Variants in TTC7A observed in about 807,000 individuals in gnomAD.
The protein encoded by TTC7A is tetratricopeptide repeat protein 7A.
A neutral mutation model predicts 103.7 loss-of-function variants in TTC7A; 110 were observed. The ratio of observed to expected loss-of-function variants is 1.06; its 90% CI spans 0.91 to 1.24. The LOEUF (loss-of-function observed/expected upper bound fraction) is 1.24, where lower values mean the gene tolerates loss of function less well. TTC7A is among the 50% of genes most tolerant of loss of function. The pLI is 0.00. For synonymous variants in TTC7A, 521 were observed against 467.9 expected, an observed-to-expected ratio of 1.11 and a Z score of -1.47; for missense variants, 1,340 against 1,116.3, an observed-to-expected ratio of 1.20 and a Z score of -2.86.
intron 2 of TTC7A, among the ~76,000 whole-genome samples, chr2:46,930,611 T>C (rs958659162): frequency 6.6e-6 from 1 of 151,796 alleles, no homozygotes; most frequent in African/African-American, 2.4e-5. Flanking sequence ...GCGATTCTCC[T>C]GCCTCAGCCT....
intron 16 of TTC7A, among the ~76,000 whole-genome samples, chr2:47,047,837 T>A (rs1682483554): frequency 6.6e-6 from 1 of 152,312 alleles, no homozygotes; most frequent in African/African-American, 2.4e-5. Context: ...TGCCCCAAAC[T>A]AGATTTTATA....
chr2:46,965,218 T>C (rs1376893825), intron 3 of TTC7A, among the ~76,000 whole-genome samples: 1 of 152,222 alleles, frequency 6.6e-6, no homozygotes, highest in Non-Finnish European at 1.5e-5. Flanking sequence ...CACCTGGAAT[T>C]GTGTGGCTGA....
At chr2:46,951,592 T>C (rs554023033) in intron 2 of TTC7A, 75 of 455,930 alleles carry the variant, frequency 1.6e-4, no homozygotes, top group Non-Finnish European at 3.1e-4. Flanking sequence ...TCTGTCTTTA[T>C]TTTCTTCAGG....
chr2:46,986,104 C>T (rs1419493821), intron 5 of TTC7A, among the ~76,000 whole-genome samples: 1 of 152,216 alleles, frequency 6.6e-6, no homozygotes, highest in Non-Finnish European at 1.5e-5. Flanking sequence ...GCTGTCTTAG[C>T]TTAAGGTGCT....
chr2:47,006,812 T>G (rs1228805808), intron 10 of TTC7A, 88 bp downstream of exon 10: 6 of 1,079,310 alleles, frequency 5.6e-6, no homozygotes, highest in Non-Finnish European at 8.6e-6. Flanking sequence ...GCCAGGGGAG[T>G]GGGTGGGTAT....
chr2:47,017,274 G>A (rs1387613442), intron 11 of TTC7A, among the ~76,000 whole-genome samples: 1 of 151,374 alleles, frequency 6.6e-6, no homozygotes, highest in African/African-American at 2.4e-5. Context: ...CAACATTTTG[G>A]GAGGCTAAGT....
chr2:47,056,385 G>C (rs1007229148), intron 18 of TTC7A, among the ~76,000 whole-genome samples: 8 of 152,208 alleles, frequency 5.3e-5, no homozygotes, highest in African/African-American at 1.7e-4. Context: ...TCTGAAGTCT[G>C]GGGGAGGGTC....
At chr2:46,945,466 T>C (rs755807501) in intron 1 of TTC7A, among the ~76,000 whole-genome samples, 4 of 152,250 alleles carry the variant, frequency 2.6e-5, no homozygotes, top group African/African-American at 4.8e-5. Context: ...GCCAGGATGG[T>C]CTCTATCTGT....
chr2:47,020,418 G>C (rs1679164107), intron 11 of TTC7A, among the ~76,000 whole-genome samples: 2 of 152,226 alleles, frequency 1.3e-5, no homozygotes, highest in African/African-American at 4.8e-5. Flanking sequence ...GTAGACAGCT[G>C]TGGGGTTTCC....
At chr2:46,931,740 T>C (rs1669720405) in intron 2 of TTC7A, among the ~76,000 whole-genome samples, 1 of 150,560 alleles carries the variant, frequency 6.6e-6, no homozygotes, top group African/African-American at 2.5e-5. Flanking sequence ...GATAAATCCC[T>C]GTCAAATCAT....
At chr2:46,996,871 A>C (rs188212351) in intron 8 of TTC7A, among the ~76,000 whole-genome samples, 1 of 152,192 alleles carries the variant, frequency 6.6e-6, no homozygotes, top group Non-Finnish European at 1.5e-5. Flanking sequence ...GCAGACCAGT[A>C]TTCCCATCCC....
intron 7 of TTC7A, 146 bp from the exon 8 acceptor site, chr2:46,994,990 T>C (rs1374815898): frequency 1.4e-6 from 1 of 720,184 alleles, no homozygotes; most frequent in African/African-American, 1.7e-5. Context: ...CTGGGGCATA[T>C]GGTATCCGGT....
At chr2:46,916,218 G>A in exon 1 of TTC7A, 1 of 952,462 alleles carries the variant, frequency 1.0e-6, no homozygotes, top group Non-Finnish European at 1.3e-6. Context: ...TGGGAAGAAA[G>A]ATAATAGGAA....
intron 8 of TTC7A, among the ~76,000 whole-genome samples, chr2:47,001,150 C>A (rs1407241426): frequency 6.6e-6 from 1 of 152,176 alleles, no homozygotes; most frequent in East Asian, 1.9e-4. Context: ...AGATGCCGTA[C>A]AGAACATGCT....
chr2:47,019,935 C>T (rs1194088807), intron 11 of TTC7A, among the ~76,000 whole-genome samples: 2 of 152,142 alleles, frequency 1.3e-5, no homozygotes, highest in Non-Finnish European at 2.9e-5. Context: ...GCTTACTTTC[C>T]CCTCCCTTGT....
At position 47,063,996 on chromosome 2, in the gene TTC7A, G is replaced by T. The variant is rs866268249; in HGVS notation, c.2355+3025G>T. On this transcript the variant is annotated intron_variant, in intron 19 of 19. Coordinates refer to ENST00000319190, the MANE Select transcript of TTC7A (RefSeq NM_020458.4). The stretch of plus-strand genomic sequence containing the variant: ...CATGTTTCTAAGAATATAAGTTTTG[G>T]CCAAGAGCAGATTCTCTACTCTCCC... Among the ~76,000 whole-genome samples the T allele has an allele frequency of 2.6e-5, 4 of 152,330 alleles. No individual in the cohort carries two copies. The South Asian group carries it at 8.3e-4, about 32-fold the overall frequency.
At chr2:46,997,904 C>T (rs80106292) in intron 8 of TTC7A, among the ~76,000 whole-genome samples, 3,918 of 152,190 alleles carry the variant, frequency 0.026, 161 homozygotes, top group African/African-American at 0.088. Flanking sequence ...CCACCCACCC[C>T]CAAACCCTCC....
intron 2 of TTC7A, among the ~76,000 whole-genome samples, chr2:46,918,173 C>T (rs750599230): frequency 6.6e-6 from 1 of 152,132 alleles, no homozygotes; most frequent in Non-Finnish European, 1.5e-5. Flanking sequence ...TCTTGATTTT[C>T]ACCCCCAAAC....
chr2:47,070,684 T>A (rs60408932), intron 19 of TTC7A, among the ~76,000 whole-genome samples: 20,834 of 151,902 alleles, frequency 0.14, 2,552 homozygotes, highest in East Asian at 0.62. Context: ...TGGCCACACA[T>A]CCCCACTCCC....
Sources: gnomAD v4.1 joint callset for allele counts (sites outside exome capture counted in the v4.1 genomes callset) on GRCh38, gnomAD v4.1.1 for gene constraint, MANE v1.5 for transcripts, NCBI Gene and HGNC (gene_info 2026-07-23, HGNC 2026-07-21) for gene names.